Variants in CROCC observed in about 807,000 individuals in gnomAD.
The protein encoded by CROCC is rootletin.
In CROCC, 180 loss-of-function variants were observed where a neutral mutation model predicts 245.2. The observed-to-expected ratio is 0.73, with a 90% CI of 0.65 to 0.83. The LOEUF is 0.83. Ranked by LOEUF, CROCC falls within the 40% of genes least tolerant of loss-of-function variation. The probability of loss-of-function intolerance (pLI) is 0.00; values close to 1 mark genes in which losing one functional copy is unlikely to be tolerated. For synonymous variants in CROCC, 1,205 were observed against 1,241.6 expected, an observed-to-expected ratio of 0.97 and a Z score of 0.62; for missense variants, 2,688 against 2,779.4, an observed-to-expected ratio of 0.97 and a Z score of 0.74.
chr1:16,931,817 C>G (rs1439507159), intron 8 of CROCC, among the ~76,000 whole-genome samples: 1 of 152,174 alleles, frequency 6.6e-6, no homozygotes, highest in African/African-American at 2.4e-5. Context: ...AGTGAGGTGG[C>G]ACGATCTTGG....
intron 8 of CROCC, among the ~76,000 whole-genome samples, chr1:16,934,841 T>G (rs1448723005): frequency 2.0e-5 from 1 of 50,790 alleles, no homozygotes; most frequent in Non-Finnish European, 4.0e-5. Context: ...TTCTTCTTCT[T>G]CTTTTTTTTT....
At chr1:16,938,793 GT>G in intron 11 of CROCC, 115 bp from the exon 12 acceptor site, 2 of 1,056,640 alleles carry the variant, frequency 1.9e-6, no homozygotes, top group African/African-American at 3.2e-5. Flanking sequence ...AAGGCTTCTT[GT>G]AAGAGGCAGC....
At chr1:16,914,784 G>A (rs6421402) in intron 1 of CROCC, among the ~76,000 whole-genome samples, 129,276 of 152,146 alleles carry the variant, frequency 0.85, 54,174 homozygotes, top group East Asian at 0.89. Flanking sequence ...ACTTAAGCCT[G>A]ACGACCATGC....
intron 1 of CROCC, 52 bp downstream of exon 1, chr1:16,922,130 T>G: frequency 4.1e-6 from 6 of 1,460,502 alleles, no homozygotes; most frequent in Non-Finnish European, 5.5e-6. Flanking sequence ...AGCGTGGACT[T>G]AACAGGAGTG....
Position 16,928,893 on chromosome 1 carries a change from C to G in CROCC, c.352-953C>G, listed in dbSNP as rs1239134628. Among the ~76,000 whole-genome samples, 6 of 152,342 alleles carry G rather than the reference C, an allele frequency of 3.9e-5. No homozygotes were observed. The East Asian group carries it at 1.2e-3, about 29-fold the overall frequency. On this transcript the variant is annotated intron_variant, in intron 3 of 36. Transcript: ENST00000375541. ...CCAGGCTGGAGTGCAGTGGCACGAT[C>G]TCGGCTCACTGCAACCTCCGCCTCC...
At chr1:16,971,685 T>A in intron 36 of CROCC, 38 bp downstream of exon 36, 1 of 1,434,302 alleles carries the variant, frequency 7.0e-7, no homozygotes, top group Non-Finnish European at 9.2e-7. Context: ...CCAGGATGGA[T>A]GTGTGGGGCT....
At chr1:16,967,417 G>C (rs1340679916) in intron 30 of CROCC, among the ~76,000 whole-genome samples, 1 of 152,202 alleles carries the variant, frequency 6.6e-6, no homozygotes, top group Admixed American at 6.5e-5. Flanking sequence ...CCTCTGGCCT[G>C]GGGCCGAGCT....
At position 16,941,313 on chromosome 1, in the gene CROCC, T is replaced by C. The variant is rs188469606; in HGVS notation, c.1808+1220T>C. On this transcript the variant is annotated intron_variant, in intron 13 of 36. Transcript: ENST00000375541. The stretch of plus-strand genomic sequence containing the variant: ...GGTGGCATGCTCCTGTAATCCCAGC[T>C]ATTCAGGAGGCTGAGGTGGGAGAAT... The C allele has an allele frequency of 4.7e-4, 71 of 152,494 alleles. 1 individual carries two copies. Among genetic ancestry groups the C allele is most frequent in the Admixed American group, 3.9e-3 (60 of 15,304 alleles). 9.4% of individuals were successfully genotyped at this position (152,494 alleles called of 1,614,324 possible). A position where few individuals can be genotyped will look rare whatever the true frequency, so the allele number is the denominator to read the frequency against.
intron 9 of CROCC, 94 bp downstream of exon 9, chr1:16,936,967 A>C (rs78906531): frequency 7.8e-7 from 1 of 1,283,734 alleles, no homozygotes; most frequent in Admixed American, 1.9e-5. Context: ...CACTAGGGGA[A>C]GGGCCTTCCT....
In CROCC at chr1:16,944,302, C is replaced by T. The variant is rs1195735598; in HGVS notation, c.1991+20C>T. ...GCGCAGGTGAGCAGCATCTCGCCAC[C>T]CTGCCAGGACCCTTCAGATGTGCCT... On this transcript the variant is annotated intron_variant, in intron 14 of 36. Transcript: ENST00000375541. 1.6e-5 allele frequency: 24 copies of T among 1,511,264 alleles called. No homozygotes were observed. The East Asian group carries it at 5.2e-4, about 33-fold the overall frequency. 93.6% of individuals were successfully genotyped at this position (1,511,264 alleles called of 1,614,324 possible).
chr1:16,939,855 C>T, intron 12 of CROCC, 39 bp from the exon 13 acceptor site: 2 of 1,604,434 alleles, frequency 1.2e-6, no homozygotes, highest in South Asian at 2.2e-5. Context: ...CTGGAGGCCT[C>T]TCAGGCCCCC....
Position 16,938,430 on chromosome 1 carries a change from C to T in CROCC, c.1321C>T (p.Leu441=). 2 of 1,578,570 alleles carry T rather than the reference C, an allele frequency of 1.3e-6. No homozygotes were observed. The highest frequency in any genetic ancestry group is 1.7e-6 in the Non-Finnish European group (2 of 1,163,062). Residue 441 remains leucine (L), a synonymous_variant, in exon 11 of 37, where the codon CTG becomes TTG. Transcript: ENST00000375541. ...CCTGCGGCTACAGGAGCAGGCGGCC[C>T]TGGAGACAGAGGATGGAGAGGGGCT... ...ESLRLQEQAA[L]ETEDGEGLQQ... is the part of the protein sequence containing the mutation.
chr1:16,932,695 T>G (rs1330420269), intron 8 of CROCC, among the ~76,000 whole-genome samples: 7 of 152,142 alleles, frequency 4.6e-5, no homozygotes, highest in Non-Finnish European at 7.4e-5. Flanking sequence ...GGGGTTGCAA[T>G]GAAGAGCTGG....
Position 16,946,243 on chromosome 1 carries a change from G to C in CROCC, c.2137-16G>C. 2.5e-6 allele frequency: 4 copies of C among 1,608,280 alleles called. No homozygotes were observed. Among genetic ancestry groups the C allele is most frequent in the Non-Finnish European group, 3.4e-6 (4 of 1,178,290 alleles). On this transcript the variant is annotated splice_polypyrimidine_tract_variant and intron_variant, in intron 15 of 36. Transcript: ENST00000375541. ...CCTTTCTGCCTTTCCTCATTTCTCGGGGCCTGACCCTGCAGGCTGAGGCTG... is the reference window on the plus strand; with the variant it reads ...CCTTTCTGCCTTTCCTCATTTCTCGCGGCCTGACCCTGCAGGCTGAGGCTG...
chr1:16,950,862 T>C, intron 19 of CROCC, 91 bp from the exon 20 acceptor site: 1 of 1,159,908 alleles, frequency 8.6e-7, no homozygotes, highest in East Asian at 2.8e-5. Context: ...GCCTCTGGGA[T>C]TTTGCCCATG....
chr1:16,970,886 G>C, intron 35 of CROCC, 119 bp downstream of exon 35: 1 of 1,252,146 alleles, frequency 8.0e-7, no homozygotes, highest in South Asian at 1.8e-5. Flanking sequence ...CAGGAGCCCT[G>C]AGCCTTCCAG....
chr1:16,963,744 G>A (rs1386693747), intron 27 of CROCC, among the ~76,000 whole-genome samples: 2 of 151,980 alleles, frequency 1.3e-5, no homozygotes. Context: ...GGGCTGCCTG[G>A]ATTCCCATCT....
Position 16,946,933 on chromosome 1 carries a change from A to C in CROCC, c.2456A>C (p.Glu819Ala). The change falls in exon 17 of 37, where the codon GAG becomes GCG. Residue 819 changes from glutamate (E) to alanine (A), a missense_variant. By Grantham distance (107) the Glu-to-Ala change is moderately radical. This residue lies in a region of CROCC where 295 missense variants were observed against 241.7 expected (regional missense o/e 1.22). Coordinates refer to ENST00000375541, the MANE Select transcript of CROCC (RefSeq NM_014675.5). ...GCGGAGCAGGCCCAGGAGGCATTGG[A>C]GCAGCAGCTCCCCACGCTGCGCCAT... The part of the protein sequence containing the change: ...RVAEQAQEAL[E>A]QQLPTLRHER... The C allele has an allele frequency of 6.4e-7, 1 of 1,562,892 alleles. No individual in the cohort carries two copies. The highest frequency in any genetic ancestry group is 1.2e-5 in the South Asian group (1 of 84,912).
chr1:16,955,862 G>A, intron 24 of CROCC, 135 bp from the exon 25 acceptor site: 1 of 1,150,206 alleles, frequency 8.7e-7, no homozygotes, highest in Non-Finnish European at 1.2e-6. Context: ...GCAGGGCTCA[G>A]GGCTTAGCTC....
Sources: gnomAD v4.1 joint callset for allele counts (sites outside exome capture counted in the v4.1 genomes callset) on GRCh38, gnomAD v4.1.1 for gene constraint, gnomAD v4.1.1 regional missense constraint, MANE v1.5 for transcripts, NCBI Gene and HGNC (gene_info 2026-07-23, HGNC 2026-07-21) for gene names.